The following CECR2 variants were observed in gnomAD, a reference collection of about 807,000 sequenced individuals.
CECR2 encodes the protein chromatin remodeling regulator CECR2.
Under a neutral mutation model 154.5 loss-of-function variants are expected in CECR2, and 30 were observed. That is an observed-to-expected ratio of 0.19 (90% CI 0.15 to 0.26). The LOEUF is 0.26. Ranked by LOEUF, CECR2 falls within the 10% of genes least tolerant of loss-of-function variation. CECR2 has a pLI of 1.00. For synonymous variants in CECR2, 725 were observed against 683.7 expected, an observed-to-expected ratio of 1.06 and a Z score of -0.94; for missense variants, 1,743 against 1,829.3, an observed-to-expected ratio of 0.95 and a Z score of 0.86.
chr22:17,387,692 A>G (rs1036707125), intron 1 of CECR2, among the ~76,000 whole-genome samples: 10 of 152,182 alleles, frequency 6.6e-5, no homozygotes, highest in South Asian at 2.1e-4. Context: ...ATCCTGTTCT[A>G]TTCTGTTGAC....
rs74276462 is a variant in CECR2, at chr22:17,468,342, G to A, written c.127-9246G>A. Among the ~76,000 whole-genome samples the A allele has an allele frequency of 5.0e-3, 760 of 152,264 alleles. 18 individuals carry two copies. Among genetic ancestry groups the A allele is most frequent in the Admixed American group, 0.041 (626 of 15,288 alleles). On this transcript the variant is annotated intron_variant, in intron 1 of 18. Coordinates refer to ENST00000262608, the MANE Select transcript of CECR2 (RefSeq NM_001290047.2). Reference sequence around the variant, plus strand: ...CTGTGTCTTGCTCTGTTGTGATTGTGTTCAAGTCACCAAGTCTGGCCCTCA... The same window carrying A: ...CTGTGTCTTGCTCTGTTGTGATTGTATTCAAGTCACCAAGTCTGGCCCTCA...
chr22:17,381,049 A>G (rs193063509), intron 1 of CECR2, among the ~76,000 whole-genome samples: 23 of 130,078 alleles, frequency 1.8e-4, no homozygotes, highest in Admixed American at 1.3e-3. Context: ...GACAATTTTT[A>G]TAGCAGAGGC....
At position 17,537,181 on chromosome 22, in the gene CECR2, C is replaced by A. The variant is rs1379185960; in HGVS notation, c.1187C>A (p.Ser396Tyr). 1.2e-6 allele frequency: 2 copies of A among 1,613,940 alleles called. No homozygotes were observed. The highest frequency in any genetic ancestry group is 1.6e-4 in the Middle Eastern group (1 of 6,062). Residue 396 changes from serine (S) to tyrosine (Y), a missense_variant, in exon 10 of 19, where the codon TCC (serine) becomes TAC (tyrosine). Physicochemically the swap from Ser to Tyr is moderately radical, Grantham distance 144 (BLOSUM62 -2). Transcript: ENST00000262608. ...GGAAAGGAGCTCCCTCCAGAACTTT[C>A]CCATCTGGACCCCAATTCCCCCATG... is the stretch of plus-strand genomic sequence containing the variant. ...AQGKELPPEL[S>Y]HLDPNSPMRE...
At chr22:17,433,054 T>G (rs1343396645) in intron 1 of CECR2, among the ~76,000 whole-genome samples, 1 of 152,226 alleles carries the variant, frequency 6.6e-6, no homozygotes, top group Non-Finnish European at 1.5e-5. Flanking sequence ...GTGTTACATT[T>G]CTGGTTGCCT....
chr22:17,405,348 G>A (rs1013958137), intron 1 of CECR2, among the ~76,000 whole-genome samples: 2 of 151,816 alleles, frequency 1.3e-5, no homozygotes, highest in Non-Finnish European at 2.9e-5. Flanking sequence ...GGAGGTGGAG[G>A]TTGCAGTGAG....
chr22:17,512,826 C>T (rs556113223), intron 8 of CECR2, among the ~76,000 whole-genome samples: 1 of 151,824 alleles, frequency 6.6e-6, no homozygotes, highest in African/African-American at 2.4e-5. Context: ...AATGAGAGAG[C>T]GTGGATCTGG....
intron 1 of CECR2, among the ~76,000 whole-genome samples, chr22:17,438,618 GA>G (rs2054540620): frequency 7.2e-6 from 1 of 139,128 alleles, no homozygotes; most frequent in Non-Finnish European, 1.5e-5. Context: ...AACATTATGA[GA>G]TTTTTTTTTT....
intron 8 of CECR2, among the ~76,000 whole-genome samples, chr22:17,513,732 C>G (rs1300293766): frequency 6.6e-6 from 1 of 152,160 alleles, no homozygotes; most frequent in Non-Finnish European, 1.5e-5. Context: ...CCTTGTTGGG[C>G]TCTCTCTGCT....
intron 1 of CECR2, among the ~76,000 whole-genome samples, chr22:17,448,901 A>G (rs1302115524): frequency 6.7e-6 from 1 of 150,282 alleles, no homozygotes; most frequent in Admixed American, 6.7e-5. Flanking sequence ...TTTTTTGGAG[A>G]TGGAGTCTCG....
intron 9 of CECR2, among the ~76,000 whole-genome samples, chr22:17,525,554 C>T (rs1312366568): frequency 1.3e-5 from 2 of 151,954 alleles, no homozygotes; most frequent in Non-Finnish European, 2.9e-5. Context: ...TGCAGTGAGC[C>T]GAGATCGTGC....
At chr22:17,508,877 A>G (rs1377889879) in intron 7 of CECR2, among the ~76,000 whole-genome samples, 4 of 152,246 alleles carry the variant, frequency 2.6e-5, no homozygotes, top group African/African-American at 9.6e-5. Flanking sequence ...AATGTTTGAG[A>G]CTATCTTACT....
At chr22:17,376,533 T>C (rs2063121066) in intron 1 of CECR2, among the ~76,000 whole-genome samples, 1 of 152,074 alleles carries the variant, frequency 6.6e-6, no homozygotes, top group Non-Finnish European at 1.5e-5. Flanking sequence ...AAAACTGCAG[T>C]GCAAAGGTGG....
At chr22:17,541,699 C>T in intron 14 of CECR2, 140 bp from the exon 15 acceptor site, 1 of 1,003,856 alleles carries the variant, frequency 1.0e-6, no homozygotes, top group Non-Finnish European at 1.4e-6. Context: ...CACGTGTGTT[C>T]ACAGTCTCCC....
chr22:17,431,189 A>G (rs556986281), intron 1 of CECR2, among the ~76,000 whole-genome samples: 2 of 152,234 alleles, frequency 1.3e-5, no homozygotes, highest in Non-Finnish European at 1.5e-5. Context: ...CAGGCATTTA[A>G]TATATCTTAT....
intron 1 of CECR2, among the ~76,000 whole-genome samples, chr22:17,459,637 A>G (rs2054906894): frequency 1.3e-5 from 2 of 152,156 alleles, no homozygotes; most frequent in Non-Finnish European, 2.9e-5. Flanking sequence ...CATACTACCA[A>G]AAATACAGAG....
intron 9 of CECR2, among the ~76,000 whole-genome samples, chr22:17,524,684 G>A (rs1334099659): frequency 1.6e-5 from 2 of 121,402 alleles, no homozygotes; most frequent in African/African-American, 3.3e-5. Context: ...GAGCCACCAT[G>A]CCTGGCCCTT....
At chr22:17,488,161 G>A (rs1173194184) in intron 2 of CECR2, among the ~76,000 whole-genome samples, 1 of 152,160 alleles carries the variant, frequency 6.6e-6, no homozygotes, top group East Asian at 1.9e-4. Flanking sequence ...GGGATTACAG[G>A]CGTGAGCCAC....
intron 1 of CECR2, among the ~76,000 whole-genome samples, chr22:17,429,002 T>C: frequency 6.7e-6 from 1 of 149,472 alleles, no homozygotes; most frequent in Non-Finnish European, 1.5e-5. Flanking sequence ...GTGAGTCTAT[T>C]GTTTTTCATT....
chr22:17,518,532 C>A, intron 8 of CECR2: 2 of 282,268 alleles, frequency 7.1e-6, no homozygotes, highest in South Asian at 8.6e-5. Flanking sequence ...ATGCCTTTGT[C>A]AATATGGACT....
Sources: gnomAD v4.1 joint callset for allele counts (sites outside exome capture counted in the v4.1 genomes callset) on GRCh38, gnomAD v4.1.1 for gene constraint, MANE v1.5 for transcripts, NCBI Gene and HGNC (gene_info 2026-07-23, HGNC 2026-07-21) for gene names.